The following PLBD2 variants were observed in gnomAD, a reference collection of about 807,000 sequenced individuals.
PLBD2 encodes the protein putative aminopeptidase PLBD2.
A neutral mutation model predicts 68.3 loss-of-function variants in PLBD2; 51 were observed. That is an observed-to-expected ratio of 0.75 (90% CI 0.60 to 0.94). PLBD2 has a LOEUF of 0.94. Among genes scored for constraint, PLBD2 ranks in the 40% least tolerant of loss-of-function variants. PLBD2 has a pLI of 0.00. For missense variants in PLBD2, 729 were observed against 792.2 expected, an observed-to-expected ratio of 0.92 and a Z score of 0.96; for synonymous variants, 314 against 339.3, an observed-to-expected ratio of 0.93 and a Z score of 0.82.
Position 113,384,403 on chromosome 12 carries a change from A to C in PLBD2, c.1118+138A>C. On this transcript the variant is annotated intron_variant, in intron 7 of 11. Coordinates refer to ENST00000280800, the MANE Select transcript of PLBD2 (RefSeq NM_173542.4). This position sits in a 1 kb window ranked among gnomAD's most constrained non-coding sequence, Gnocchi z 4.2. ...GCCCTCCTTTGTTTCATACATGGGG[A>C]GACTGAGGCTAGGGAAGGAAAGGAT... 8.7e-7 allele frequency: 1 copy of C among 1,151,850 alleles called. No individual in the cohort carries two copies. The highest frequency in any genetic ancestry group is 1.7e-5 in the South Asian group (1 of 59,140). The allele number at this position is 1,151,850 out of a possible 1,614,324, so 71.4% of individuals were successfully genotyped here.
chr12:113,372,626 C>T lies in PLBD2; in HGVS notation c.385-23C>T. ...GAGCACCCCAGCTGCCCGCCCTTGC[C>T]TCGCCCACCCCCTACCCCACAGCTC... is the stretch of plus-strand genomic sequence containing the variant. On this transcript the variant is annotated intron_variant, in intron 2 of 11. Transcript: ENST00000280800. The surrounding 1 kb of genome is among the most constrained non-coding windows in gnomAD (Gnocchi z 4.2). 6.2e-6 allele frequency: 10 copies of T among 1,605,860 alleles called. No homozygotes were observed. Among genetic ancestry groups the T allele is most frequent in the Non-Finnish European group, 8.5e-6 (10 of 1,174,102 alleles).
chr12:113,384,898 G>T lies in PLBD2; in HGVS notation c.1166G>T (p.Gly389Val), dbSNP rs1237430439. 1 of 1,613,970 alleles carries T rather than the reference G, an allele frequency of 6.2e-7. No individual in the cohort carries two copies. The highest frequency in any genetic ancestry group is 8.5e-7 in the Non-Finnish European group (1 of 1,180,008). Residue 389 changes from glycine to valine, a missense_variant, in exon 8 of 12, where the codon GGT (glycine) becomes GTT (valine). Transcript: ENST00000280800. This position sits in a 1 kb window ranked among gnomAD's most constrained non-coding sequence, Gnocchi z 4.2. ...GTGGACTACAAGGCGTTCATCCCGGGTGGGCCCAGCCCCGGGAGCCGGGTG... is the reference window on the plus strand; with the variant it reads ...GTGGACTACAAGGCGTTCATCCCGGTTGGGCCCAGCCCCGGGAGCCGGGTG... Reference protein sequence around the residue: ...MIVDYKAFIPGGPSPGSRVLT... With the variant: ...MIVDYKAFIPVGPSPGSRVLT...
chr12:113,366,319 C>G (rs530584789), intron 1 of PLBD2, among the ~76,000 whole-genome samples: 1 of 150,906 alleles, frequency 6.6e-6, no homozygotes, highest in Admixed American at 6.6e-5. Context: ...TGCTTCCCCC[C>G]GCTAGTTATA....
intron 5 of PLBD2, among the ~76,000 whole-genome samples, chr12:113,380,171 CTG>C (rs1737578701): frequency 6.6e-6 from 1 of 152,108 alleles, no homozygotes; most frequent in Admixed American, 6.6e-5. Context: ...GAGTCTCACT[CTG>C]TCGCCCAGGC....
rs1391794537 is a variant in PLBD2, at chr12:113,384,224, G to A, written c.1077G>A (p.Gly359=). 7 of 1,613,582 alleles carry A rather than the reference G, an allele frequency of 4.3e-6. No homozygotes were observed. The highest frequency in any genetic ancestry group is 5.9e-6 in the Non-Finnish European group (7 of 1,179,898). ...NIVANRLASD[G]ATWADIFKRF... is the part of the protein sequence containing the mutation. The stretch of plus-strand genomic sequence containing the variant: ...TGGCCAACCGCCTGGCCTCGGATGG[G>A]GCCACCTGGGCAGACATCTTCAAGA... The change falls in exon 7 of 12, where the codon GGG becomes GGA. Residue 359 remains glycine, a synonymous_variant. Transcript: ENST00000280800. The surrounding 1 kb of genome is among the most constrained non-coding windows in gnomAD (Gnocchi z 4.2).
intron 1 of PLBD2, among the ~76,000 whole-genome samples, chr12:113,367,090 G>A (rs1396525400): frequency 6.6e-6 from 1 of 152,148 alleles, no homozygotes; most frequent in African/African-American, 2.4e-5. Flanking sequence ...ACAGGCATGA[G>A]CCACTGTGCT....
At chr12:113,358,981 C>A (rs1957262283) in intron 1 of PLBD2, 91 bp downstream of exon 1, 2 of 1,329,920 alleles carry the variant, frequency 1.5e-6, no homozygotes, top group Non-Finnish European at 2.0e-6. Context: ...GGCCTCTTGC[C>A]GGGTGGGAAC....
chr12:113,367,345 AATC>A (rs1357815997), intron 1 of PLBD2, among the ~76,000 whole-genome samples: 1 of 152,202 alleles, frequency 6.6e-6, no homozygotes, highest in Non-Finnish European at 1.5e-5. Context: ...GTTTGCTAGT[AATC>A]ATTTTAGTGA....
intron 5 of PLBD2, among the ~76,000 whole-genome samples, chr12:113,380,393 C>G (rs1003189261): frequency 8.5e-5 from 13 of 152,184 alleles, no homozygotes; most frequent in African/African-American, 3.1e-4. Flanking sequence ...CCTTGGCCTC[C>G]CAAAGTGCAG....
chr12:113,365,311 C>T (rs916972847), intron 1 of PLBD2, among the ~76,000 whole-genome samples: 3 of 151,688 alleles, frequency 2.0e-5, no homozygotes, highest in South Asian at 2.1e-4. Context: ...CCATGTCATA[C>T]GGTTGTTGGA....
chr12:113,365,899 A>G (rs1490802142), intron 1 of PLBD2, among the ~76,000 whole-genome samples: 1 of 152,194 alleles, frequency 6.6e-6, no homozygotes, highest in Non-Finnish European at 1.5e-5. Flanking sequence ...CAGCAGCAGT[A>G]TACCTCCTCA....
At chr12:113,374,107 A>C (rs1255456190) in intron 3 of PLBD2, among the ~76,000 whole-genome samples, 1 of 152,146 alleles carries the variant, frequency 6.6e-6, no homozygotes, top group Non-Finnish European at 1.5e-5. Context: ...AGTCAGATGC[A>C]TGAGACAGGT....
chr12:113,382,311 A>G (rs1234349042), intron 6 of PLBD2, among the ~76,000 whole-genome samples: 2 of 152,268 alleles, frequency 1.3e-5, no homozygotes, highest in African/African-American at 4.8e-5. Flanking sequence ...AGGTGCATGA[A>G]TGATACTTTA....
At chr12:113,386,095 AG>A (rs1957549378) in intron 9 of PLBD2, among the ~76,000 whole-genome samples, 1 of 152,274 alleles carries the variant, frequency 6.6e-6, no homozygotes, top group Admixed American at 6.5e-5. Flanking sequence ...CCAGAGCCCA[AG>A]CTTGGCCACC....
Position 113,384,788 on chromosome 12 carries a change from G to T in PLBD2, c.1119-63G>T. Reference sequence around the variant, plus strand: ...TTCCTAGCTGAGTGGGACACTGCAGGGTGGGGAAAGCTGGGGAGGTGGCTC... The same window carrying T: ...TTCCTAGCTGAGTGGGACACTGCAGTGTGGGGAAAGCTGGGGAGGTGGCTC... On this transcript the variant is annotated intron_variant, in intron 7 of 11. Coordinates refer to ENST00000280800, the MANE Select transcript of PLBD2 (RefSeq NM_173542.4). This position sits in a 1 kb window ranked among gnomAD's most constrained non-coding sequence, Gnocchi z 4.2. 1 of 1,397,924 alleles carries T rather than the reference G, an allele frequency of 7.2e-7. No individual in the cohort carries two copies. Among genetic ancestry groups the T allele is most frequent in the Non-Finnish European group, 1.0e-6 (1 of 990,322 alleles). The allele number at this position is 1,397,924 out of a possible 1,614,324, so 86.6% of individuals were successfully genotyped here.
chr12:113,379,901 G>T (rs77424074), intron 5 of PLBD2, among the ~76,000 whole-genome samples: 1 of 152,026 alleles, frequency 6.6e-6, no homozygotes, highest in East Asian at 1.9e-4. Context: ...ATATACCCAC[G>T]CACACACAGA....
chr12:113,381,474 C>A (rs1411671360), intron 6 of PLBD2, among the ~76,000 whole-genome samples: 1 of 152,158 alleles, frequency 6.6e-6, no homozygotes, highest in Non-Finnish European at 1.5e-5. Context: ...GAAAAAACAT[C>A]ACTCTAAAAA....
In PLBD2 at chr12:113,386,919, C is replaced by A; in HGVS notation, c.1287-18C>A. On this transcript the variant is annotated intron_variant, in intron 9 of 11. Coordinates refer to ENST00000280800, the MANE Select transcript of PLBD2 (RefSeq NM_173542.4). The stretch of plus-strand genomic sequence containing the variant: ...GAGGCCAGTGGGGGTCATGGGTGAC[C>A]ATCCTTGTCCCCGGCAGGTCCTTCG... The A allele has an allele frequency of 6.2e-7, 1 of 1,611,736 alleles. No individual in the cohort carries two copies. Among genetic ancestry groups the A allele is most frequent in the South Asian group, 1.1e-5 (1 of 90,530 alleles).
Position 113,362,776 on chromosome 12 carries a change from ATCT to A in PLBD2, c.290+3891_290+3893del, listed in dbSNP as rs553834654. Reference sequence around the variant, plus strand: ...GGACATACTCTCTGAATAAGGAGTAATCTTCTTTTGATTTATTTTTTTTTTTTG... The same window carrying A: ...GGACATACTCTCTGAATAAGGAGTAATCTTTTGATTTATTTTTTTTTTTTG... On this transcript the variant is annotated intron_variant, in intron 1 of 11. Transcript: ENST00000280800. Among the ~76,000 whole-genome samples the A allele has an allele frequency of 9.4e-5, 14 of 148,898 alleles. No homozygotes were observed. In the South Asian group the frequency reaches 2.8e-3, roughly 30 times the overall value.
Sources: allele counts gnomAD v4.1 joint callset (sites outside exome capture counted in the v4.1 genomes callset), GRCh38; gene constraint gnomAD v4.1.1; non-coding constraint Gnocchi (gnomAD v3.1); transcripts MANE v1.5; gene names NCBI Gene and HGNC (gene_info 2026-07-23, HGNC 2026-07-21).